The following OSBPL3 variants were observed in gnomAD, a reference collection of about 807,000 sequenced individuals.
OSBPL3 encodes the protein oxysterol binding protein like 3.
Under a neutral mutation model 120.1 loss-of-function variants are expected in OSBPL3, and 65 were observed. The ratio of observed to expected loss-of-function variants is 0.54; its 90% CI spans 0.44 to 0.67. The LOEUF is 0.67. Among genes scored for constraint, OSBPL3 ranks in the 30% least tolerant of loss-of-function variants. The pLI is 0.00. For missense variants in OSBPL3, 1,004 were observed against 1,082.1 expected, an observed-to-expected ratio of 0.93 and a Z score of 1.01; for synonymous variants, 416 against 402.6, an observed-to-expected ratio of 1.03 and a Z score of -0.40.
At position 24,821,726 on chromosome 7, in the gene OSBPL3, T is replaced by G. The variant is rs2128143236; in HGVS notation, c.1885-1488A>C. Among the ~76,000 whole-genome samples the G allele has an allele frequency of 6.6e-6, 1 of 152,344 alleles. No individual in the cohort carries two copies. The highest frequency in any genetic ancestry group is 1.9e-4 in the East Asian group (1 of 5,188). On this transcript the variant is annotated intron_variant, in intron 16 of 22. Transcript: ENST00000313367. The surrounding 1 kb of genome is among the most constrained non-coding windows in gnomAD (Gnocchi z 5.5). ...CAATACAAAGCAGGAGACTCAAATC[T>G]GCTGCTCTTTGGTTTGTCTTAGTTC...
At position 24,871,615 on chromosome 7, in the gene OSBPL3, GTGTTTCC is replaced by G; in HGVS notation, c.267+120_267+126del. The G allele has an allele frequency of 1.4e-6, 1 of 720,258 alleles. No homozygotes were observed. The highest frequency in any genetic ancestry group is 2.4e-6 in the Non-Finnish European group (1 of 420,900). The allele number at this position is 720,258 out of a possible 1,614,324, so 44.6% of individuals were successfully genotyped here. A position where few individuals can be genotyped will look rare whatever the true frequency, so the allele number is the denominator to read the frequency against. On this transcript the variant is annotated intron_variant, in intron 4 of 22. Coordinates refer to ENST00000313367, the MANE Select transcript of OSBPL3 (RefSeq NM_015550.4). The surrounding 1 kb of genome is among the most constrained non-coding windows in gnomAD (Gnocchi z 4.8). ...CCTGGAACCCAGAGCTCAGACAGAA[GTGTTTCC>G]CCTCTATGGTTTCCAGTTCCGAGAA... is the stretch of plus-strand genomic sequence containing the variant.
At position 24,872,483 on chromosome 7, in the gene OSBPL3, G is replaced by C; in HGVS notation, c.97-414C>G. Among the ~76,000 whole-genome samples the C allele has an allele frequency of 6.7e-6, 1 of 150,180 alleles. No individual in the cohort carries two copies. The highest frequency in any genetic ancestry group is 2.1e-4 in the South Asian group (1 of 4,740). Reference sequence around the variant, plus strand: ...TGTGTGTGTGTGTGTGTGTGTGTGTGTGTGGTGTTGGGGGAAGGAAGTTGG... The same window carrying C: ...TGTGTGTGTGTGTGTGTGTGTGTGTCTGTGGTGTTGGGGGAAGGAAGTTGG... On this transcript the variant is annotated intron_variant, in intron 2 of 22. Coordinates refer to ENST00000313367, the MANE Select transcript of OSBPL3 (RefSeq NM_015550.4). This position sits in a 1 kb window ranked among gnomAD's most constrained non-coding sequence, Gnocchi z 4.1.
At chr7:24,977,812 C>T (rs1453804362) in intron 1 of OSBPL3, among the ~76,000 whole-genome samples, 2 of 152,134 alleles carry the variant, frequency 1.3e-5, no homozygotes, top group African/African-American at 4.8e-5. Flanking sequence ...GCCGAGATCG[C>T]GCCACTGTAC....
Position 24,904,541 on chromosome 7 carries a change from T to C in OSBPL3, c.-149-11920A>G, listed in dbSNP as rs143588838. Reference sequence around the variant, plus strand: ...GTTTAAATATACAGGAGGATGTGCATAGGTTACGTGCGAATACTTTGCCAT... The same window carrying C: ...GTTTAAATATACAGGAGGATGTGCACAGGTTACGTGCGAATACTTTGCCAT... On this transcript the variant is annotated intron_variant, in intron 1 of 22. Coordinates refer to ENST00000313367, the MANE Select transcript of OSBPL3 (RefSeq NM_015550.4). Among the ~76,000 whole-genome samples the C allele has an allele frequency of 1.3e-3, 203 of 152,322 alleles. 1 individual carries two copies. Among genetic ancestry groups the C allele is most frequent in the Admixed American group, 2.3e-3 (35 of 15,302 alleles).
chr7:24,876,638 G>A (rs1284001947), intron 2 of OSBPL3, among the ~76,000 whole-genome samples: 3 of 152,086 alleles, frequency 2.0e-5, no homozygotes, highest in Non-Finnish European at 4.4e-5. Context: ...CTGAGTAGCT[G>A]GCCTACAAAG....
At position 24,852,483 on chromosome 7, in the gene OSBPL3, G is replaced by A; in HGVS notation, c.1158+21C>T. 1 of 1,535,778 alleles carries A rather than the reference G, an allele frequency of 6.5e-7. No individual in the cohort carries two copies. Among genetic ancestry groups the A allele is most frequent in the Non-Finnish European group, 8.7e-7 (1 of 1,147,580 alleles). ...GCCTGGACACATCTCAGGCATTCCT[G>A]GAGGCAGACATGTAACTTACGGATG... On this transcript the variant is annotated intron_variant, in intron 11 of 22. Coordinates refer to ENST00000313367, the MANE Select transcript of OSBPL3 (RefSeq NM_015550.4). This position sits in a 1 kb window ranked among gnomAD's most constrained non-coding sequence, Gnocchi z 4.1.
Position 24,918,491 on chromosome 7 carries a change from T to A in OSBPL3, c.-149-25870A>T, listed in dbSNP as rs1057071016. Among the ~76,000 whole-genome samples, 5 of 152,234 alleles carry A rather than the reference T, an allele frequency of 3.3e-5. No homozygotes were observed. Among genetic ancestry groups the A allele is most frequent in the African/African-American group, 1.2e-4 (5 of 41,458 alleles). ...AAAACACTAAGTCAGCTGGATAAAC[T>A]ACTCATGAAAATCTTGTGGAAAATA... On this transcript the variant is annotated intron_variant, in intron 1 of 22. Coordinates refer to ENST00000313367, the MANE Select transcript of OSBPL3 (RefSeq NM_015550.4). This position sits in a 1 kb window ranked among gnomAD's most constrained non-coding sequence, Gnocchi z 4.3.
chr7:24,880,032 A>T (rs1015978417), intron 2 of OSBPL3, among the ~76,000 whole-genome samples: 1 of 152,198 alleles, frequency 6.6e-6, no homozygotes, highest in Non-Finnish European at 1.5e-5. Flanking sequence ...AGATGAAAAC[A>T]TCCAGCCCAT....
chr7:24,928,218 G>A (rs1411580011), intron 1 of OSBPL3, among the ~76,000 whole-genome samples: 1 of 143,784 alleles, frequency 7.0e-6, no homozygotes, highest in Non-Finnish European at 1.5e-5. Flanking sequence ...TTGAGATGGA[G>A]TCTCGCTCTG....
rs1353251562 is a variant in OSBPL3, at chr7:24,896,636, T to C, written c.-149-4015A>G. ...TAAAGGTGACATCACATACTATATA[T>C]GTGTGCTGGAAGGAGTCAGACCTAG... On this transcript the variant is annotated intron_variant, in intron 1 of 22. Transcript: ENST00000313367. The surrounding 1 kb of genome is among the most constrained non-coding windows in gnomAD (Gnocchi z 4.4). Among the ~76,000 whole-genome samples the C allele has an allele frequency of 1.3e-5, 2 of 152,242 alleles. No individual in the cohort carries two copies. The highest frequency in any genetic ancestry group is 1.3e-4 in the Admixed American group (2 of 15,290).
At chr7:24,903,110 T>C (rs1252187295) in intron 1 of OSBPL3, among the ~76,000 whole-genome samples, 7 of 152,244 alleles carry the variant, frequency 4.6e-5, no homozygotes, top group Non-Finnish European at 1.0e-4. Flanking sequence ...GTTTTCTAAC[T>C]GGCAAAAACC....
rs12700548 is a variant in OSBPL3, at chr7:24,818,081, T to A, written c.1949-1393A>T. Among the ~76,000 whole-genome samples the A allele has an allele frequency of 0.57, 87,046 of 151,916 alleles. 25,907 individuals carry two copies. The highest frequency in any genetic ancestry group is 0.97 in the East Asian group (5,032 of 5,166). ...GCGAGCACAGTGGGCCTCATATTGT[T>A]TAATCCTATTTATATAAAATGCCCC... On this transcript the variant is annotated intron_variant, in intron 17 of 22. Transcript: ENST00000313367. This position sits in a 1 kb window ranked among gnomAD's most constrained non-coding sequence, Gnocchi z 4.0.
Position 24,852,554 on chromosome 7 carries a change from A to G in OSBPL3, c.1108T>C (p.Ser370Pro). ...ATGACCTGAGCAGACGGGGAGGAGG[A>G]GGCATCCTGCTCCATCAGCTGCTTC... ...KLKQLMEQDA[S>P]SSPSAQVIGL... Residue 370 changes from serine (S) to proline (P), a missense_variant, in exon 11 of 23, where the codon TCC (serine) becomes CCC (proline). This residue lies in a region of OSBPL3 where 272 missense variants were observed against 248.8 expected (regional missense o/e 1.09). Coordinates refer to ENST00000313367, the MANE Select transcript of OSBPL3 (RefSeq NM_015550.4). This position sits in a 1 kb window ranked among gnomAD's most constrained non-coding sequence, Gnocchi z 4.1. 5.0e-6 allele frequency: 8 copies of G among 1,608,192 alleles called. No individual in the cohort carries two copies. Among genetic ancestry groups the G allele is most frequent in the Non-Finnish European group, 6.8e-6 (8 of 1,178,568 alleles).
chr7:24,969,449 A>T (rs1360489115), intron 1 of OSBPL3, among the ~76,000 whole-genome samples: 1 of 152,220 alleles, frequency 6.6e-6, no homozygotes, highest in Non-Finnish European at 1.5e-5. Flanking sequence ...GTTTTTAAAA[A>T]TTGACCCCGC....
At chr7:24,828,608 AAAAAAAAAAAAAAG>A (rs1356126466) in intron 16 of OSBPL3, among the ~76,000 whole-genome samples, 21 of 123,776 alleles carry the variant, frequency 1.7e-4, no homozygotes, top group African/African-American at 4.1e-4. Context: ...CTCTGTCTGA[AAAAAAAAAAAAAAG>A]AAAAAAAAAA....
intron 10 of OSBPL3, among the ~76,000 whole-genome samples, chr7:24,860,794 T>C (rs1389562175): frequency 6.6e-6 from 1 of 152,236 alleles, no homozygotes; most frequent in Non-Finnish European, 1.5e-5. Flanking sequence ...TTCCATTGTA[T>C]GGATGTACCA....
intron 1 of OSBPL3, among the ~76,000 whole-genome samples, chr7:24,954,294 G>A (rs1344704094): frequency 6.6e-6 from 1 of 152,106 alleles, no homozygotes; most frequent in Non-Finnish European, 1.5e-5. Context: ...ACCAAGAGAG[G>A]CTTACTTTTT....
At chr7:24,809,270 T>C (rs1224021313) in intron 20 of OSBPL3, among the ~76,000 whole-genome samples, 4 of 152,286 alleles carry the variant, frequency 2.6e-5, no homozygotes, top group Middle Eastern at 3.4e-3. Flanking sequence ...TGTTAAAGTA[T>C]GGTGGGGACA....
intron 1 of OSBPL3, among the ~76,000 whole-genome samples, chr7:24,902,737 A>AATAATAATAAG (rs1284056783): frequency 1.0e-5 from 1 of 96,562 alleles, no homozygotes; most frequent in Non-Finnish European, 2.1e-5. Context: ...ATAATAATAA[A>AATAATAATAAG]GAAAGGACTC....
Sources: gnomAD v4.1 joint callset for allele counts (sites outside exome capture counted in the v4.1 genomes callset) on GRCh38, gnomAD v4.1.1 for gene constraint, gnomAD v4.1.1 regional missense constraint, Gnocchi (gnomAD v3.1) non-coding constraint, MANE v1.5 for transcripts, NCBI Gene and HGNC (gene_info 2026-07-23, HGNC 2026-07-21) for gene names.